The following TPO variants were observed in gnomAD, a reference collection of about 807,000 sequenced individuals.
The protein encoded by TPO is thyroid microsomal antigen.
TPO carries 78 observed loss-of-function variants against 96.9 expected under a neutral mutation model. That is an observed-to-expected ratio of 0.81 (90% CI 0.67 to 0.97). TPO has a LOEUF of 0.97. Ranked by LOEUF, TPO falls within the 50% of genes least tolerant of loss-of-function variation. The pLI is 0.00. For synonymous variants in TPO, 547 were observed against 538.0 expected, an observed-to-expected ratio of 1.02 and a Z score of -0.23; for missense variants, 1,252 against 1,274.8, an observed-to-expected ratio of 0.98 and a Z score of 0.27.
intron 15 of TPO, among the ~76,000 whole-genome samples, chr2:1,533,423 A>G (rs1293798843): frequency 2.4e-4 from 17 of 71,876 alleles, no homozygotes; most frequent in East Asian, 4.8e-4. Context: ...ATCCCCCCAA[A>G]TGTGTGCAAC....
At chr2:1,442,612 C>A (rs370552882) in intron 5 of TPO, among the ~76,000 whole-genome samples, 1 of 152,152 alleles carries the variant, frequency 6.6e-6, no homozygotes, top group South Asian at 2.1e-4. Context: ...TGAGAAAGTG[C>A]TCACATTCCC....
In TPO at chr2:1,445,966, T is replaced by C. The variant is rs540367975; in HGVS notation, c.483-7728T>C. Among the ~76,000 whole-genome samples, 6 of 152,286 alleles carry C rather than the reference T, an allele frequency of 3.9e-5. No individual in the cohort carries two copies. The East Asian group carries it at 1.2e-3, about 29-fold the overall frequency. ...AGGTACCATGTTGGATATGGTACCA[T>C]GTTGGATAAGTGGCACAGTGGATAG... On this transcript the variant is annotated intron_variant, in intron 5 of 16. Transcript: ENST00000329066.
chr2:1,462,856 G>A (rs1176947530), intron 7 of TPO, among the ~76,000 whole-genome samples: 2 of 152,224 alleles, frequency 1.3e-5, no homozygotes, highest in South Asian at 2.1e-4. Flanking sequence ...AACTTTAAAC[G>A]TTGATCACAG....
chr2:1,458,842 C>G (rs1227362414), intron 7 of TPO, among the ~76,000 whole-genome samples: 1 of 152,202 alleles, frequency 6.6e-6, no homozygotes, highest in African/African-American at 2.4e-5. Flanking sequence ...TATAATCTAT[C>G]TAACCACTTT....
chr2:1,382,569 C>A (rs755184945), intron 1 of TPO, among the ~76,000 whole-genome samples: 2 of 152,074 alleles, frequency 1.3e-5, no homozygotes, highest in African/African-American at 4.8e-5. Context: ...GCCACAGTTA[C>A]CAAAACTGGT....
At chr2:1,392,295 A>G (rs1008989996) in intron 1 of TPO, among the ~76,000 whole-genome samples, 2 of 152,156 alleles carry the variant, frequency 1.3e-5, no homozygotes, top group African/African-American at 4.8e-5. Flanking sequence ...TGTTTACGTG[A>G]TGGATTATGT....
At chr2:1,518,077 T>C (rs981239661) in intron 15 of TPO, among the ~76,000 whole-genome samples, 2 of 151,994 alleles carry the variant, frequency 1.3e-5, no homozygotes, top group African/African-American at 2.4e-5. Context: ...CACCACCCCA[T>C]ACCACACATG....
chr2:1,383,292 A>C (rs896231447), intron 1 of TPO, among the ~76,000 whole-genome samples: 6 of 152,282 alleles, frequency 3.9e-5, no homozygotes, highest in African/African-American at 1.4e-4. Flanking sequence ...ATTTCTGAGG[A>C]ATTGCCACAC....
chr2:1,487,621 C>T (rs1418982748), intron 9 of TPO, among the ~76,000 whole-genome samples, 200 bp from the exon 10 acceptor site: 1 of 151,990 alleles, frequency 6.6e-6, no homozygotes, highest in East Asian at 1.9e-4. Flanking sequence ...CCTGTAGTCC[C>T]AATTACTCGG....
At chr2:1,528,127 C>T (rs1423475055) in intron 15 of TPO, among the ~76,000 whole-genome samples, 3 of 130,280 alleles carry the variant, frequency 2.3e-5, no homozygotes, top group African/African-American at 9.4e-5. Context: ...CAACATTCCT[C>T]AAATCCCCGC....
intron 10 of TPO, among the ~76,000 whole-genome samples, chr2:1,493,493 C>T (rs1343952215): frequency 7.0e-6 from 1 of 142,882 alleles, no homozygotes; most frequent in Admixed American, 6.9e-5. Flanking sequence ...TGCCCGGCAT[C>T]TGAGCTGGAA....
Position 1,456,448 on chromosome 2 carries a change from C to T in TPO, c.819+166C>T, listed in dbSNP as rs11694726. On this transcript the variant is annotated intron_variant, in intron 7 of 16. Transcript: ENST00000329066. ...TCTCACTGGAAATTCCCTGGGTACA[C>T]GTATATATAGCATGTATGATAGTGT... Among the ~76,000 whole-genome samples, 1,064 of 134,442 alleles carry T rather than the reference C, an allele frequency of 7.9e-3. 37 individuals carry two copies. The highest frequency in any genetic ancestry group is 0.031 in the East Asian group (122 of 3,962). 88.2% of individuals were successfully genotyped at this position (134,442 alleles called of 152,430 possible).
intron 1 of TPO, among the ~76,000 whole-genome samples, chr2:1,401,707 C>T (rs1183920189): frequency 2.0e-5 from 3 of 152,204 alleles, no homozygotes; most frequent in African/African-American, 7.2e-5. Context: ...CAAATCCTGC[C>T]TCAGTGTCTT....
intron 10 of TPO, among the ~76,000 whole-genome samples, chr2:1,490,692 T>G (rs1468256066): frequency 6.6e-6 from 1 of 152,172 alleles, no homozygotes; most frequent in African/African-American, 2.4e-5. Flanking sequence ...GAGGCATCGA[T>G]GCACCAGAAA....
intron 7 of TPO, among the ~76,000 whole-genome samples, chr2:1,470,634 A>C (rs1361265885): frequency 6.6e-6 from 1 of 151,976 alleles, no homozygotes; most frequent in African/African-American, 2.4e-5. Context: ...TGTAGATAAA[A>C]TACTGCTTTA....
chr2:1,517,943 C>A (rs917128593), intron 15 of TPO, among the ~76,000 whole-genome samples: 1 of 152,068 alleles, frequency 6.6e-6, no homozygotes, highest in Non-Finnish European at 1.5e-5. Context: ...GCCAGGCTCC[C>A]CCCCCCAATA....
At chr2:1,531,052 A>C (rs370806270) in intron 15 of TPO, among the ~76,000 whole-genome samples, 1,110 of 5,790 alleles carry the variant, frequency 0.19, 28 homozygotes, top group East Asian at 0.32. Context: ...CCCCCCAAAT[A>C]CCCCCACTAT....
rs934457150 is a variant in TPO, at chr2:1,495,865, TG to T, written c.2007-119del. 5 of 1,109,950 alleles carry T rather than the reference TG, an allele frequency of 4.5e-6. No individual in the cohort carries two copies. In the African/African-American group the frequency reaches 4.6e-5, roughly 10 times the overall value. 68.8% of individuals were successfully genotyped at this position (1,109,950 alleles called of 1,614,324 possible). A position where few individuals can be genotyped will look rare whatever the true frequency, so the allele number is the denominator to read the frequency against. The stretch of plus-strand genomic sequence containing the variant: ...CCTGCACCTGTGTGGCCCCGGGTGC[TG>T]GGGGTCTGGGCAGACGCCGCAGGAG... On this transcript the variant is annotated intron_variant, in intron 11 of 16. Transcript: ENST00000329066.
chr2:1,514,948 G>A (rs774632669), intron 14 of TPO, among the ~76,000 whole-genome samples: 8 of 152,160 alleles, frequency 5.3e-5, no homozygotes, highest in Non-Finnish European at 1.0e-4. Context: ...GGCCCAGGAC[G>A]TGGCTCCTCC....
Sources: allele counts gnomAD v4.1 joint callset (sites outside exome capture counted in the v4.1 genomes callset), GRCh38; gene constraint gnomAD v4.1.1; transcripts MANE v1.5; gene names NCBI Gene and HGNC (gene_info 2026-07-23, HGNC 2026-07-21).